The following DCAF8L2 variants were observed in gnomAD, a reference collection of about 807,000 sequenced individuals.
The protein encoded by DCAF8L2 is DDB1- and CUL4-associated factor 8-like protein 2.
For synonymous variants in DCAF8L2, 200 were observed against 190.9 expected (o/e 1.05, Z -0.39); for missense variants, 430 against 490.7 (o/e 0.88, Z 1.17).
At chrX:27,527,858 G>A in the DCAF8L2 span, among the ~76,000 whole-genome samples, 1 of 108,673 alleles carries the variant, frequency 9.2e-6, no homozygotes, top group Admixed American at 1.0e-4. Flanking sequence ...CACCATGTTG[G>A]TCAGGCTGGT....
the DCAF8L2 span, among the ~76,000 whole-genome samples, chrX:27,500,765 A>G: frequency 5.4e-5 from 6 of 111,881 alleles, no homozygotes; most frequent in Non-Finnish European, 1.1e-4. Flanking sequence ...GCCCTGGTGC[A>G]ACAGTTGCAT....
chrX:27,747,237 G>A lies in DCAF8L2; in HGVS notation c.342G>A (p.Glu114=). ...PLVGEEETER[E]EEDEEIQEEG... ...TGGGAGAGGAGGAGACAGAAAGGGA[G>A]GAGGAAGACGAAGAGATACAAGAGG... is the stretch of plus-strand genomic sequence containing the variant. The change falls in exon 5 of 5, where the codon GAG becomes GAA. Residue 114 remains glutamate (E), a synonymous_variant. Transcript: ENST00000451261. The A allele has an allele frequency of 8.6e-7, 1 of 1,160,693 alleles. No individual in the cohort carries two copies. The highest frequency in any genetic ancestry group is 1.1e-6 in the Non-Finnish European group (1 of 870,334).
chrX:27,686,872 A>G (rs1325561803), intron 3 of DCAF8L2, among the ~76,000 whole-genome samples: 1 of 112,396 alleles, frequency 8.9e-6, no homozygotes, highest in Non-Finnish European at 1.9e-5. Context: ...TCCATCTCTG[A>G]TCATCAAGCA....
At chrX:27,622,461 A>G (rs1028263021) in intron 1 of DCAF8L2, among the ~76,000 whole-genome samples, 1 of 111,136 alleles carries the variant, frequency 9.0e-6, no homozygotes, top group African/African-American at 3.3e-5. Context: ...ATATAAAAAG[A>G]ACATCATTAG....
At chrX:27,484,591 T>A in the DCAF8L2 span, among the ~76,000 whole-genome samples, 1 of 111,639 alleles carries the variant, frequency 9.0e-6, no homozygotes, top group African/African-American at 3.2e-5. Context: ...TTGGAAACAA[T>A]GAGTACCTAA....
At chrX:27,572,146 C>T in the DCAF8L2 span, among the ~76,000 whole-genome samples, 1 of 112,155 alleles carries the variant, frequency 8.9e-6, no homozygotes, top group Admixed American at 9.5e-5. Flanking sequence ...CTGTATGCTC[C>T]TCAGTATTCC....
chrX:27,700,227 C>T (rs895985690), intron 3 of DCAF8L2, among the ~76,000 whole-genome samples: 1 of 111,086 alleles, frequency 9.0e-6, no homozygotes, highest in East Asian at 2.8e-4. Context: ...AAATCTTTGC[C>T]TTTCACTCCC....
rs1312973754 is a variant in DCAF8L2, at chrX:27,590,883, A to G, written c.-342+443A>G. On this transcript the variant is annotated intron_variant, in intron 1 of 4. Transcript: ENST00000451261. ...AGTCTCGAACTCCTGGCCTCAAGCT[A>G]TCCTCCCACCTCAGCCTTCCAAAGA... Among the ~76,000 whole-genome samples, 6 of 105,767 alleles carry G rather than the reference A, an allele frequency of 5.7e-5. No individual in the cohort carries two copies. The South Asian group carries it at 2.7e-3, about 47-fold the overall frequency. The allele number at this position is 105,767 out of a possible 115,157, so 91.8% of individuals were successfully genotyped here.
the DCAF8L2 span, among the ~76,000 whole-genome samples, chrX:27,542,248 CTGTTT>C: frequency 1.8e-5 from 2 of 111,463 alleles, no homozygotes; most frequent in African/African-American, 6.5e-5. Flanking sequence ...AATGGTAGTT[CTGTTT>C]TAAGTTCTTT....
chrX:27,725,241 G>C (rs752120217), intron 4 of DCAF8L2, among the ~76,000 whole-genome samples: 1 of 110,985 alleles, frequency 9.0e-6, no homozygotes, highest in South Asian at 3.7e-4. Flanking sequence ...CATCCCCAGT[G>C]ATGGTTACAT....
At chrX:27,728,518 T>C (rs977703091) in intron 4 of DCAF8L2, among the ~76,000 whole-genome samples, 4 of 111,260 alleles carry the variant, frequency 3.6e-5, no homozygotes, top group Non-Finnish European at 1.9e-5. Context: ...GTGAGTCATA[T>C]GGCTGTAAAT....
intron 2 of DCAF8L2, among the ~76,000 whole-genome samples, chrX:27,669,923 G>A (rs1929885261): frequency 9.0e-6 from 1 of 111,453 alleles, no homozygotes; most frequent in Non-Finnish European, 1.9e-5. Context: ...GAATAGTGCT[G>A]CAATAAACAT....
the DCAF8L2 span, among the ~76,000 whole-genome samples, chrX:27,472,500 T>C: frequency 9.0e-6 from 1 of 111,687 alleles, no homozygotes; most frequent in African/African-American, 3.3e-5. Context: ...ACCTAGGTAT[T>C]AAACCCCACA....
intron 3 of DCAF8L2, among the ~76,000 whole-genome samples, chrX:27,689,524 C>G (rs1161713658): frequency 5.3e-5 from 6 of 112,695 alleles, no homozygotes; most frequent in Non-Finnish European, 1.1e-4. Flanking sequence ...GGATTACAGG[C>G]GTGAGCCACC....
In DCAF8L2 at chrX:27,713,270, A is replaced by G. The variant is rs774789392; in HGVS notation, c.-142-2818A>G. Among the ~76,000 whole-genome samples the G allele has an allele frequency of 6.2e-5, 7 of 112,099 alleles. No homozygotes were observed. The East Asian group carries it at 2.0e-3, about 31-fold the overall frequency. On this transcript the variant is annotated intron_variant, in intron 3 of 4. Transcript: ENST00000451261. ...GAATAAAATAATGGACTTGGAAGGT[A>G]TGAGGAGAATCAAATAAATGCTTCA...
the DCAF8L2 span, among the ~76,000 whole-genome samples, chrX:27,514,668 CAAAAA>C: frequency 4.0e-4 from 1 of 2,528 alleles, no homozygotes; most frequent in African/African-American, 1.2e-3. Context: ...GACTCCGTCT[CAAAAA>C]AAAAAAAAAA....
At chrX:27,591,564 T>C (rs199815704) in intron 1 of DCAF8L2, among the ~76,000 whole-genome samples, 2 of 111,690 alleles carry the variant, frequency 1.8e-5, no homozygotes, top group Non-Finnish European at 3.8e-5. Flanking sequence ...ATTGAAAGCG[T>C]AGTAATAAAC....
chrX:27,572,145 C>T, the DCAF8L2 span, among the ~76,000 whole-genome samples: 2 of 112,086 alleles, frequency 1.8e-5, no homozygotes, highest in African/African-American at 3.2e-5. Flanking sequence ...TCTGTATGCT[C>T]CTCAGTATTC....
chrX:27,741,958 A>G (rs1921877718), intron 4 of DCAF8L2, among the ~76,000 whole-genome samples: 2 of 112,193 alleles, frequency 1.8e-5, no homozygotes, highest in East Asian at 2.8e-4. Context: ...AACCTAGGCT[A>G]GCTTGCTTTC....
Sources: allele counts gnomAD v4.1 joint callset (sites outside exome capture counted in the v4.1 genomes callset), GRCh38; gene constraint gnomAD v4.1.1; transcripts MANE v1.5; gene names NCBI Gene and HGNC (gene_info 2026-07-23, HGNC 2026-07-21).